ZNF827: variants seen among roughly 807,000 people sequenced by gnomAD.
ZNF827 encodes the protein zinc finger protein 827.
ZNF827 carries 13 observed loss-of-function variants against 102.4 expected under a neutral mutation model. The ratio of observed to expected loss-of-function variants is 0.13; its 90% CI spans 0.08 to 0.20. The LOEUF is 0.20. Among genes scored for constraint, ZNF827 ranks in the 10% least tolerant of loss-of-function variants. The pLI is 1.00. For synonymous variants in ZNF827, 523 were observed against 536.2 expected (o/e 0.98, Z 0.34); for missense variants, 1,103 against 1,344.4 (o/e 0.82, Z 2.81).
intron 8 of ZNF827, among the ~76,000 whole-genome samples, chr4:145,820,532 T>C (rs1421008165): frequency 1.3e-5 from 2 of 152,322 alleles, no homozygotes; most frequent in Non-Finnish European, 2.9e-5. Context: ...TAACAACAAA[T>C]TATTTTCTAC....
chr4:145,898,382 C>T (rs541278774), intron 2 of ZNF827, among the ~76,000 whole-genome samples: 3 of 152,278 alleles, frequency 2.0e-5, no homozygotes, highest in Non-Finnish European at 4.4e-5. Flanking sequence ...TTATTCAGTA[C>T]AATAAGATGT....
At chr4:145,911,331 T>C (rs1752274873) in intron 1 of ZNF827, among the ~76,000 whole-genome samples, 1 of 152,182 alleles carries the variant, frequency 6.6e-6, no homozygotes, top group African/African-American at 2.4e-5. Flanking sequence ...GAAACTTTAT[T>C]CTCTAGAAAG....
chr4:145,921,971 G>A (rs1753101210), intron 1 of ZNF827, among the ~76,000 whole-genome samples: 1 of 152,184 alleles, frequency 6.6e-6, no homozygotes, highest in African/African-American at 2.4e-5. Flanking sequence ...TGACTGATGA[G>A]TTATTGAAAA....
At chr4:145,900,304 AG>A (rs1751312350) in intron 2 of ZNF827, among the ~76,000 whole-genome samples, 1 of 152,226 alleles carries the variant, frequency 6.6e-6, no homozygotes, top group Admixed American at 6.5e-5. Flanking sequence ...ACTTTGCATA[AG>A]CTTTCCCAAC....
At chr4:145,890,925 C>T (rs144927723) in intron 3 of ZNF827, among the ~76,000 whole-genome samples, 160 of 152,284 alleles carry the variant, frequency 1.1e-3, no homozygotes, top group African/African-American at 3.7e-3. Flanking sequence ...CTTAATCTTC[C>T]AAGCTATTTC....
At chr4:145,928,181 T>C (rs971024752) in intron 1 of ZNF827, among the ~76,000 whole-genome samples, 1 of 152,216 alleles carries the variant, frequency 6.6e-6, no homozygotes, top group African/African-American at 2.4e-5. Flanking sequence ...TATTTTTGAC[T>C]GAAATGATAA....
Position 145,853,023 on chromosome 4 carries a change from C to A in ZNF827, c.1982-3462G>T, listed in dbSNP as rs564076590. 2.6e-5 allele frequency among the ~76,000 whole-genome samples: 4 copies of A among 152,304 alleles called. No individual in the cohort carries two copies. The East Asian group carries it at 7.7e-4, about 29-fold the overall frequency. On this transcript the variant is annotated intron_variant, in intron 5 of 14. Transcript: ENST00000508784. The stretch of plus-strand genomic sequence containing the variant: ...GGGCAAAACCATCCTGGTTGAAAAC[C>A]ACGGCTCTAAAGTTTTTGCCGCATT...
At chr4:145,831,341 C>T (rs975559013) in intron 7 of ZNF827, 1 of 152,234 alleles carries the variant, frequency 6.6e-6, no homozygotes, top group African/African-American at 2.4e-5. Context: ...TGGGCTCACA[C>T]ATTTTCAAAG....
intron 8 of ZNF827, among the ~76,000 whole-genome samples, chr4:145,780,396 G>C (rs1389243774): frequency 1.3e-5 from 2 of 152,164 alleles, no homozygotes; most frequent in Non-Finnish European, 2.9e-5. Flanking sequence ...CACACGCTGT[G>C]CCACAGAAAA....
chr4:145,875,227 AG>A (rs1749059388), intron 4 of ZNF827, among the ~76,000 whole-genome samples: 2 of 152,218 alleles, frequency 1.3e-5, no homozygotes, highest in African/African-American at 4.8e-5. Flanking sequence ...GTAATTACAT[AG>A]GGATCAAACC....
At chr4:145,875,892 T>G (rs1266759422) in intron 4 of ZNF827, among the ~76,000 whole-genome samples, 1 of 152,194 alleles carries the variant, frequency 6.6e-6, no homozygotes, top group Non-Finnish European at 1.5e-5. Flanking sequence ...TGTTTTGAAT[T>G]TAAGTTTTTA....
At chr4:145,854,320 G>A (rs917209155) in intron 5 of ZNF827, among the ~76,000 whole-genome samples, 10 of 151,914 alleles carry the variant, frequency 6.6e-5, no homozygotes, top group African/African-American at 2.4e-4. Flanking sequence ...GAAGTCATCT[G>A]AATTCATGGG....
In ZNF827 at chr4:145,885,997, T is replaced by G; in HGVS notation, c.1428A>C (p.Gly476=). ...AGGCACTGTCACTGAGGTGGGGAGA[T>G]CCCTTGACATCTGGGTCTGGGATCT... ...KEEIPDPDVK[G]SPHLSDSACL... The change falls in exon 4 of 15, where the codon GGA becomes GGC. Residue 476 remains glycine (G), a synonymous_variant. Coordinates refer to ENST00000508784, the MANE Select transcript of ZNF827 (RefSeq NM_001306215.2). The G allele has an allele frequency of 6.2e-7, 1 of 1,614,044 alleles. No homozygotes were observed. The highest frequency in any genetic ancestry group is 2.2e-5 in the East Asian group (1 of 44,864).
intron 1 of ZNF827, among the ~76,000 whole-genome samples, chr4:145,907,805 C>T (rs1409722803): frequency 6.6e-6 from 1 of 152,232 alleles, no homozygotes; most frequent in Non-Finnish European, 1.5e-5. Flanking sequence ...CAATTTTACA[C>T]AACAGTCTGT....
At chr4:145,914,329 G>A (rs1345371093) in intron 1 of ZNF827, among the ~76,000 whole-genome samples, 1 of 152,054 alleles carries the variant, frequency 6.6e-6, no homozygotes, top group Non-Finnish European at 1.5e-5. Flanking sequence ...CCCCTAACGC[G>A]CCCCCTGCAA....
intron 7 of ZNF827, chr4:145,839,548 C>G (rs1745213670): frequency 6.6e-6 from 1 of 152,238 alleles, no homozygotes; most frequent in Non-Finnish European, 1.5e-5. Flanking sequence ...TGGATGGTCT[C>G]CTGGCCCACT....
At chr4:145,918,588 T>C (rs1158992165) in intron 1 of ZNF827, among the ~76,000 whole-genome samples, 1 of 152,008 alleles carries the variant, frequency 6.6e-6, no homozygotes, top group Non-Finnish European at 1.5e-5. Flanking sequence ...TGTAAGTCAT[T>C]GAGCACCTTT....
intron 7 of ZNF827, among the ~76,000 whole-genome samples, chr4:145,833,875 C>T (rs1209149865): frequency 1.3e-5 from 2 of 151,962 alleles, no homozygotes; most frequent in Admixed American, 6.6e-5. Flanking sequence ...ATCTCTGCGC[C>T]CCAACCTCTT....
At chr4:145,843,389 G>A (rs1745614932) in intron 7 of ZNF827, among the ~76,000 whole-genome samples, 2 of 152,134 alleles carry the variant, frequency 1.3e-5, no homozygotes, top group Admixed American at 6.5e-5. Context: ...TAATCTCCCA[G>A]AAAGAGGAGA....
Sources: allele counts gnomAD v4.1 joint callset (sites outside exome capture counted in the v4.1 genomes callset), GRCh38; gene constraint gnomAD v4.1.1; transcripts MANE v1.5; gene names NCBI Gene and HGNC (gene_info 2026-07-23, HGNC 2026-07-21).